Variants in USP30 observed in about 807,000 individuals in gnomAD.
The protein encoded by USP30 is ubiquitin carboxyl-terminal hydrolase 30.
Under a neutral mutation model 68.2 loss-of-function variants are expected in USP30, and 41 were observed. The observed-to-expected ratio is 0.60, with a 90% CI of 0.47 to 0.78. The LOEUF (loss-of-function observed/expected upper bound fraction) is 0.78, where lower values mean the gene tolerates loss of function less well. Among genes scored for constraint, USP30 ranks in the 30% least tolerant of loss-of-function variants. USP30 has a pLI of 0.00. For missense variants in USP30, 522 were observed against 649.4 expected, an observed-to-expected ratio of 0.80 and a Z score of 2.13; for synonymous variants, 229 against 253.7, an observed-to-expected ratio of 0.90 and a Z score of 0.93.
chr12:109,037,713 C>T (rs1262084087), intron 3 of USP30, among the ~76,000 whole-genome samples: 1 of 152,116 alleles, frequency 6.6e-6, no homozygotes, highest in Non-Finnish European at 1.5e-5. Flanking sequence ...TAGAGATTTC[C>T]TTAAATGCCT....
chr12:109,080,526 T>C (rs1309078874), intron 7 of USP30, among the ~76,000 whole-genome samples: 1 of 152,206 alleles, frequency 6.6e-6, no homozygotes, highest in Non-Finnish European at 1.5e-5. Flanking sequence ...CCCTACTTCA[T>C]CGTCTCCTTT....
At chr12:109,083,391 C>G (rs747647737) in intron 11 of USP30, among the ~76,000 whole-genome samples, 1 of 152,018 alleles carries the variant, frequency 6.6e-6, no homozygotes, top group Non-Finnish European at 1.5e-5. Flanking sequence ...TTTCTTTTTT[C>G]GGTCATGTCA....
At chr12:109,048,082 T>TC (rs1245512117), upstream of USP30, among the ~76,000 whole-genome samples, 3 of 150,790 alleles carry the variant, frequency 2.0e-5, no homozygotes, top group East Asian at 5.8e-4. Context: ...TGCCTACTTT[T>TC]TTTTTTTTTT....
chr12:109,071,798 TTAAAAG>T, intron 5 of USP30, 88 bp downstream of exon 5: 1 of 1,254,190 alleles, frequency 8.0e-7, no homozygotes, highest in African/African-American at 1.5e-5. Context: ...TTGTACAACT[TTAAAAG>T]TAAGATTCAG....
chr12:109,025,680 C>CT lies in USP30; in HGVS notation c.-228+619dup, dbSNP rs776538225. Reference sequence around the variant, plus strand: ...AGAGTGGGTGGAAGTGGAACTGCCACTTTTTTTTTTTGACAGGGTCTTGCT... The same window carrying CT: ...AGAGTGGGTGGAAGTGGAACTGCCACTTTTTTTTTTTTGACAGGGTCTTGCT... On this transcript the variant is annotated intron_variant, in intron 2 of 15. Transcript: ENST00000392784. Among the ~76,000 whole-genome samples the CT allele has an allele frequency of 7.1e-3, 1,040 of 147,262 alleles. 14 individuals are homozygous for CT. Among genetic ancestry groups the CT allele is most frequent in the African/African-American group, 0.017 (705 of 40,448 alleles).
chr12:109,075,305 A>G (rs1201036384), intron 7 of USP30, among the ~76,000 whole-genome samples: 1 of 152,188 alleles, frequency 6.6e-6, no homozygotes, highest in Non-Finnish European at 1.5e-5. Context: ...CACCAACAGT[A>G]TGCAAGAGTT....
At chr12:109,031,794 G>A (rs569250906) in intron 3 of USP30, among the ~76,000 whole-genome samples, 2 of 152,206 alleles carry the variant, frequency 1.3e-5, no homozygotes, top group East Asian at 1.9e-4. Flanking sequence ...GGTCTCAAAA[G>A]TAGTCACTCA....
intron 1 of USP30, among the ~76,000 whole-genome samples, chr12:109,024,223 A>G (rs2040427927): frequency 6.6e-6 from 1 of 152,162 alleles, no homozygotes. Context: ...ATGGCACATA[A>G]TAAGTGTTAG....
At position 109,073,457 on chromosome 12, in the gene USP30, C is replaced by T; in HGVS notation, c.645C>T (p.Ser215=). Reference sequence around the variant, plus strand: ...TTCCAGGGTCACCTCACCCTACATCCAATCACTGGAAGTCTCAACATCCTT... The same window carrying T: ...TTCCAGGGTCACCTCACCCTACATCTAATCACTGGAAGTCTCAACATCCTT... ...CRTRGSPHPT[S]NHWKSQHPFH... The change falls in exon 7 of 13, where the codon TCC becomes TCT. Residue 215 remains serine, a synonymous_variant. Coordinates refer to ENST00000257548, the MANE Select transcript of USP30 (RefSeq NM_032663.5). The T allele has an allele frequency of 1.2e-6, 2 of 1,614,068 alleles. No homozygotes were observed. Among genetic ancestry groups the T allele is most frequent in the Non-Finnish European group, 1.7e-6 (2 of 1,179,908 alleles).
chr12:109,078,911 A>T (rs926673225), intron 7 of USP30, among the ~76,000 whole-genome samples: 1 of 152,112 alleles, frequency 6.6e-6, no homozygotes, highest in Non-Finnish European at 1.5e-5. Context: ...CTTTAAGGAC[A>T]TTGTTCTATT....
At chr12:109,072,502 C>T in intron 6 of USP30, 152 bp downstream of exon 6, 1 of 738,740 alleles carries the variant, frequency 1.4e-6, no homozygotes, top group Admixed American at 2.6e-5. Flanking sequence ...TTGGAAATAG[C>T]TTTAAATAGA....
chr12:109,065,336 C>G (rs938528611), intron 3 of USP30, among the ~76,000 whole-genome samples: 10 of 152,246 alleles, frequency 6.6e-5, no homozygotes, highest in Non-Finnish European at 1.3e-4. Flanking sequence ...AGCCCACCAC[C>G]TGTTTTTGTC....
Position 109,070,443 on chromosome 12 carries a change from C to T in USP30, c.481-1169C>T, listed in dbSNP as rs79998109. ...GCCGTGCGAAGGTCTGAGCACAGCC[C>T]GAAATGGGAATAAGCTGGATATGTT... On this transcript the variant is annotated intron_variant, in intron 4 of 12. Transcript: ENST00000257548. This position sits in a 1 kb window ranked among gnomAD's most constrained non-coding sequence, Gnocchi z 4.0. Among the ~76,000 whole-genome samples, 2,035 of 151,758 alleles carry T rather than the reference C, an allele frequency of 0.013. 23 individuals are homozygous for T. Among genetic ancestry groups the T allele is most frequent in the Middle Eastern group, 0.045 (13 of 292 alleles).
chr12:109,048,702 T>C (rs1200529802), upstream of USP30, among the ~76,000 whole-genome samples: 3 of 139,442 alleles, frequency 2.2e-5, no homozygotes, highest in Non-Finnish European at 4.5e-5. Flanking sequence ...ATCGCCCTAC[T>C]GCACTCCAGC....
intron 3 of USP30, among the ~76,000 whole-genome samples, chr12:109,041,774 T>C (rs545101588): frequency 6.6e-6 from 1 of 152,282 alleles, no homozygotes; most frequent in African/African-American, 2.4e-5. Flanking sequence ...AGAGCTACTT[T>C]GGAAGGTCGA....
In USP30 at chr12:109,069,882, G is replaced by A. The variant is rs2041381417; in HGVS notation, c.481-1730G>A. On this transcript the variant is annotated intron_variant, in intron 4 of 12. Transcript: ENST00000257548. ...GAGAGTGAAGTGTGTGGACACCTGGGTACAGAGCATTCCAGACAGATGAAG... is the reference window on the plus strand; with the variant it reads ...GAGAGTGAAGTGTGTGGACACCTGGATACAGAGCATTCCAGACAGATGAAG... Among the ~76,000 whole-genome samples, 3 of 152,130 alleles carry A rather than the reference G, an allele frequency of 2.0e-5. No homozygotes were observed. In the South Asian group the frequency reaches 6.2e-4, roughly 32 times the overall value.
At chr12:109,036,827 G>A (rs2040524555) in intron 3 of USP30, among the ~76,000 whole-genome samples, 1 of 151,716 alleles carries the variant, frequency 6.6e-6, no homozygotes, top group African/African-American at 2.4e-5. Flanking sequence ...TTTATGTGAG[G>A]GTTGCTTCTC....
At chr12:109,077,899 A>G (rs936006086) in intron 7 of USP30, among the ~76,000 whole-genome samples, 7 of 152,094 alleles carry the variant, frequency 4.6e-5, no homozygotes, top group African/African-American at 1.7e-4. Flanking sequence ...AGTTAATATT[A>G]TACTTCATGT....
intron 3 of USP30, among the ~76,000 whole-genome samples, chr12:109,038,648 T>C (rs908621586): frequency 3.9e-5 from 6 of 152,314 alleles, no homozygotes; most frequent in African/African-American, 7.2e-5. Flanking sequence ...AGAGGAATGG[T>C]TGGATCATTA....
Sources: allele counts gnomAD v4.1 joint callset (sites outside exome capture counted in the v4.1 genomes callset), GRCh38; gene constraint gnomAD v4.1.1; non-coding constraint Gnocchi (gnomAD v3.1); transcripts MANE v1.5; gene names NCBI Gene and HGNC (gene_info 2026-07-23, HGNC 2026-07-21).